The following RREB1 variants were observed in gnomAD, a reference collection of about 807,000 sequenced individuals.
RREB1 encodes the protein ras responsive element binding protein 1.
RREB1 carries 27 observed loss-of-function variants against 117.8 expected under a neutral mutation model. That is an observed-to-expected ratio of 0.23 (90% CI 0.17 to 0.32). The LOEUF (loss-of-function observed/expected upper bound fraction) is 0.32. Among genes scored for constraint, RREB1 ranks in the 10% least tolerant of loss-of-function variants. RREB1 has a pLI of 1.00. For synonymous variants in RREB1, 1,298 were observed against 1,026.7 expected (o/e 1.26, Z -5.05); for missense variants, 2,577 against 2,378.2 (o/e 1.08, Z -1.74).
chr6:7,148,070 T>C (rs754933612), intron 1 of RREB1, among the ~76,000 whole-genome samples: 6 of 152,156 alleles, frequency 3.9e-5, no homozygotes, highest in South Asian at 2.1e-4. Context: ...ATTCAGCCGA[T>C]GTGCTTGCGA....
At chr6:7,223,561 C>CAAAAAAAA (rs368033890) in intron 8 of RREB1, among the ~76,000 whole-genome samples, 2 of 95,768 alleles carry the variant, frequency 2.1e-5, no homozygotes, top group African/African-American at 5.0e-5. Flanking sequence ...ACTCTTGTCT[C>CAAAAAAAA]AAAAAAAAAA....
chr6:7,214,148 T>A (rs541520005), intron 8 of RREB1: 4 of 152,280 alleles, frequency 2.6e-5, no homozygotes, highest in African/African-American at 9.7e-5. Context: ...ATAGTTGGGA[T>A]GGGTAGGATT....
chr6:7,117,362 A>G (rs1386999929), intron 1 of RREB1, among the ~76,000 whole-genome samples: 1 of 146,262 alleles, frequency 6.8e-6, no homozygotes, highest in East Asian at 2.1e-4. Context: ...TGAAACACAA[A>G]GGTGAACCAT....
At chr6:7,194,920 G>A (rs991612611) in intron 6 of RREB1, among the ~76,000 whole-genome samples, 9 of 152,254 alleles carry the variant, frequency 5.9e-5, no homozygotes, top group Non-Finnish European at 1.0e-4. Context: ...ACACCTCTGT[G>A]TCCTAATTAC....
At position 7,231,769 on chromosome 6, in the gene RREB1, G is replaced by A. The variant is rs201343187; in HGVS notation, c.3670G>A (p.Gly1224Ser). 3.1e-6 allele frequency: 5 copies of A among 1,613,852 alleles called. No homozygotes were observed. The highest frequency in any genetic ancestry group is 2.7e-5 in the African/African-American group (2 of 75,056). Residue 1224 changes from glycine to serine, a missense_variant, in exon 10 of 13, where the codon GGC becomes AGC. By Grantham distance (56) the Gly-to-Ser change is moderately conservative. Coordinates refer to ENST00000379938, the MANE Select transcript of RREB1 (RefSeq NM_001003699.4). ...DHHGPSDEEQ[G>S]SPPEDKLLRA... Reference sequence around the variant, plus strand: ...CCATGGGCCCAGTGATGAAGAGCAGGGCAGTCCCCCAGAAGACAAGCTGCT... The same window carrying A: ...CCATGGGCCCAGTGATGAAGAGCAGAGCAGTCCCCCAGAAGACAAGCTGCT...
chr6:7,206,688 G>A (rs1443493662), intron 6 of RREB1, among the ~76,000 whole-genome samples: 1 of 152,206 alleles, frequency 6.6e-6, no homozygotes, highest in Non-Finnish European at 1.5e-5. Flanking sequence ...TGAATTGTGG[G>A]TGTAAGAGCA....
At chr6:7,113,208 G>A (rs1581397274) in intron 1 of RREB1, among the ~76,000 whole-genome samples, 1 of 152,204 alleles carries the variant, frequency 6.6e-6, no homozygotes, top group African/African-American at 2.4e-5. Flanking sequence ...ATGAGGGTGG[G>A]TGGAGAAAGA....
At chr6:7,201,508 C>A (rs1225945524) in intron 6 of RREB1, among the ~76,000 whole-genome samples, 3 of 60,342 alleles carry the variant, frequency 5.0e-5, no homozygotes, top group Admixed American at 2.0e-4. Flanking sequence ...CCCCCCCCAA[C>A]CCCCATCCCA....
intron 1 of RREB1, among the ~76,000 whole-genome samples, chr6:7,136,605 A>G (rs1762357244): frequency 6.6e-6 from 1 of 152,216 alleles, no homozygotes; most frequent in Non-Finnish European, 1.5e-5. Flanking sequence ...GAGGTCATGA[A>G]TATATAATTA....
intron 6 of RREB1, among the ~76,000 whole-genome samples, chr6:7,209,436 C>T (rs1456157073): frequency 1.3e-5 from 2 of 152,108 alleles, no homozygotes; most frequent in African/African-American, 4.8e-5. Flanking sequence ...GGGATGGTGT[C>T]CTCAAATCAT....
At position 7,229,488 on chromosome 6, in the gene RREB1, G is replaced by T. The variant is rs756737413; in HGVS notation, c.1389G>T (p.Ser463=). ...TGGTCAAGCCCATCTCTGGCGAGTCGGCCATCGAGCTGGCAGACATCCAGC... is the reference window on the plus strand; with the variant it reads ...TGGTCAAGCCCATCTCTGGCGAGTCTGCCATCGAGCTGGCAGACATCCAGC... ...SIVVKPISGE[S]AIELADIQQI... is the part of the protein sequence containing the mutation. The change falls in exon 10 of 13, where the codon TCG becomes TCT. Residue 463 remains serine (S), a synonymous_variant. Transcript: ENST00000379938. The surrounding 1 kb of genome is among the most constrained non-coding windows in gnomAD (Gnocchi z 4.5). 6.2e-7 allele frequency: 1 copy of T among 1,613,982 alleles called. No homozygotes were observed. The highest frequency in any genetic ancestry group is 1.3e-5 in the African/African-American group (1 of 74,910).
In RREB1 at chr6:7,230,522, A is replaced by G; in HGVS notation, c.2423A>G (p.His808Arg). 1 of 1,595,150 alleles carries G rather than the reference A, an allele frequency of 6.3e-7. No individual in the cohort carries two copies. The highest frequency in any genetic ancestry group is 8.5e-7 in the Non-Finnish European group (1 of 1,176,248). The change falls in exon 10 of 13, where the codon CAC (histidine) becomes CGC (arginine). Residue 808 changes from histidine to arginine, a missense_variant. Transcript: ENST00000379938. ...AFAAKRNCIH[H>R]ILKQHLHVPE... is the part of the protein sequence containing the mutation. ...GCGGCCAAGCGCAACTGCATCCACC[A>G]CATCCTCAAGCAGCACCTGCACGTG...
intron 1 of RREB1, among the ~76,000 whole-genome samples, chr6:7,130,755 T>C (rs1762120545): frequency 6.6e-6 from 1 of 151,642 alleles, no homozygotes; most frequent in Non-Finnish European, 1.5e-5. Context: ...TAGCTGGGCT[T>C]ATAAGCACCT....
chr6:7,246,716 C>A lies in RREB1; in HGVS notation c.4266C>A (p.Thr1422=), dbSNP rs760135577. Residue 1422 remains threonine, a synonymous_variant, in exon 12 of 13, where the codon ACC becomes ACA. Coordinates refer to ENST00000379938, the MANE Select transcript of RREB1 (RefSeq NM_001003699.4). ...AGAGCCTGGACCTGGACTTCGCCAC[C>A]AAGCTCATGGACTTCAAGCTGGCGG... The part of the protein sequence containing the change: ...SNQSLDLDFA[T]KLMDFKLAEG... 63 of 1,584,068 alleles carry A rather than the reference C, an allele frequency of 4.0e-5. No homozygotes were observed. Among genetic ancestry groups the A allele is most frequent in the Non-Finnish European group, 5.4e-5 (63 of 1,165,762 alleles).
chr6:7,118,137 T>C (rs902545633), intron 1 of RREB1, among the ~76,000 whole-genome samples: 1 of 152,214 alleles, frequency 6.6e-6, no homozygotes, highest in African/African-American at 2.4e-5. Flanking sequence ...TGTTTTCTTT[T>C]TGAGACAGAG....
At chr6:7,165,323 C>G (rs1763877796) in intron 1 of RREB1, among the ~76,000 whole-genome samples, 3 of 152,152 alleles carry the variant, frequency 2.0e-5, no homozygotes, top group African/African-American at 7.2e-5. Flanking sequence ...CACTGGATAA[C>G]AAACTGTTAA....
At chr6:7,201,314 G>A (rs1017013019) in intron 6 of RREB1, among the ~76,000 whole-genome samples, 2 of 152,204 alleles carry the variant, frequency 1.3e-5, no homozygotes, top group Non-Finnish European at 2.9e-5. Context: ...GGAGCTGGCA[G>A]CATTTCCACC....
intron 1 of RREB1, among the ~76,000 whole-genome samples, chr6:7,120,505 A>G (rs1172542043): frequency 2.0e-5 from 3 of 152,190 alleles, no homozygotes; most frequent in Non-Finnish European, 4.4e-5. Context: ...GTACTTATGT[A>G]ACAGTGAGAA....
chr6:7,108,338 T>TCCTCCTCCC (rs1554113703), intron 1 of RREB1, among the ~76,000 whole-genome samples: 1 of 150,538 alleles, frequency 6.6e-6, no homozygotes, highest in African/African-American at 2.4e-5. Flanking sequence ...CTCCTCCTCC[T>TCCTCCTCCC]CCCCTTCCTC....
Sources: allele counts gnomAD v4.1 joint callset (sites outside exome capture counted in the v4.1 genomes callset), GRCh38; gene constraint gnomAD v4.1.1; non-coding constraint Gnocchi (gnomAD v3.1); transcripts MANE v1.5; gene names NCBI Gene and HGNC (gene_info 2026-07-23, HGNC 2026-07-21).